Variants in NPRL2 observed in about 807,000 individuals in gnomAD.
NPRL2 encodes NPR2 like, GATOR1 complex subunit.
Under a neutral mutation model 51.1 loss-of-function variants are expected in NPRL2, and 21 were observed. The ratio of observed to expected loss-of-function variants is 0.41; its 90% CI spans 0.29 to 0.59. The LOEUF (loss-of-function observed/expected upper bound fraction) is 0.59. NPRL2 is among the 20% of genes least tolerant of loss of function. NPRL2 has a pLI of 0.29. For missense variants in NPRL2, 376 were observed against 483.4 expected, an observed-to-expected ratio of 0.78 and a Z score of 2.08; for synonymous variants, 175 against 187.8, an observed-to-expected ratio of 0.93 and a Z score of 0.56.
chr3:50,348,546 G>A lies in NPRL2; in HGVS notation c.701C>T (p.Thr234Ile). ...IQNLLYYGVV[T>I]LVSILQYSNV... ...ACCTACCTGGAGGATGGACACCAGTGTCACAACGCCGTAGTACCTGAGAGA... is the reference window on the plus strand; with the variant it reads ...ACCTACCTGGAGGATGGACACCAGTATCACAACGCCGTAGTACCTGAGAGA... Residue 234 changes from threonine to isoleucine, a missense_variant, in exon 7 of 11, where the codon ACA becomes ATA. Physicochemically the swap from Thr to Ile is moderately conservative, Grantham distance 89. Transcript: ENST00000232501. The surrounding 1 kb of genome is among the most constrained non-coding windows in gnomAD (Gnocchi z 5.8). 6.2e-7 allele frequency: 1 copy of A among 1,614,122 alleles called. No individual in the cohort carries two copies.
Position 50,350,477 on chromosome 3 carries a change from T to C in NPRL2, c.78+98A>G. The C allele has an allele frequency of 8.0e-7, 1 of 1,244,376 alleles. No individual in the cohort carries two copies. The highest frequency in any genetic ancestry group is 1.4e-5 in the South Asian group (1 of 73,698). The allele number at this position is 1,244,376 out of a possible 1,614,324, so 77.1% of individuals were successfully genotyped here. On this transcript the variant is annotated intron_variant, in intron 1 of 10. Coordinates refer to ENST00000232501, the MANE Select transcript of NPRL2 (RefSeq NM_006545.5). The surrounding 1 kb of genome is among the most constrained non-coding windows in gnomAD (Gnocchi z 5.7). ...ACAGTTGTCTGCGAATGAAGCAGCA[T>C]GCCTGCGTGCAGCACGGGAAACTAC...
In NPRL2 at chr3:50,348,256, GATCAGCTC is replaced by G; in HGVS notation, c.815-23_815-16del. ...CCTCTTGTGCCCTGTGGGTGCCAGGGATCAGCTCATCATGTGGCCCTGCCCTCCCCAAG... is the reference window on the plus strand; with the variant it reads ...CCTCTTGTGCCCTGTGGGTGCCAGGGATCATGTGGCCCTGCCCTCCCCAAG... On this transcript the variant is annotated splice_polypyrimidine_tract_variant and intron_variant, in intron 8 of 10. Transcript: ENST00000232501. This position sits in a 1 kb window ranked among gnomAD's most constrained non-coding sequence, Gnocchi z 5.8. 1 of 1,613,860 alleles carries G rather than the reference GATCAGCTC, an allele frequency of 6.2e-7. No homozygotes were observed. Among genetic ancestry groups the G allele is most frequent in the Admixed American group, 1.7e-5 (1 of 60,016 alleles).
Position 50,349,423 on chromosome 3 carries a change from C to T in NPRL2, c.411G>A (p.Glu137=), listed in dbSNP as rs1359743255. ...TGCACCGGCCTGAGGCATTTAGCTC[C>T]TCCAGCAAGATGGTCATGATGGGCA... ...KLVPIMTILL[E]ELNASGRCTL... Residue 137 remains glutamate (E), a synonymous_variant, in exon 4 of 11, where the codon GAG becomes GAA. Transcript: ENST00000232501. The surrounding 1 kb of genome is among the most constrained non-coding windows in gnomAD (Gnocchi z 4.6). 2 of 1,613,768 alleles carry T rather than the reference C, an allele frequency of 1.2e-6. No homozygotes were observed. The highest frequency in any genetic ancestry group is 1.7e-6 in the Non-Finnish European group (2 of 1,180,004).
At position 50,350,154 on chromosome 3, in the gene NPRL2, C is replaced by G; in HGVS notation, c.79-132G>C. 1 of 700,178 alleles carries G rather than the reference C, an allele frequency of 1.4e-6. No homozygotes were observed. The highest frequency in any genetic ancestry group is 1.8e-5 in the African/African-American group (1 of 56,266). 43.4% of individuals were successfully genotyped at this position (700,178 alleles called of 1,614,324 possible). A position where few individuals can be genotyped will look rare whatever the true frequency, so the allele number is the denominator to read the frequency against. On this transcript the variant is annotated intron_variant, in intron 1 of 10. Coordinates refer to ENST00000232501, the MANE Select transcript of NPRL2 (RefSeq NM_006545.5). The surrounding 1 kb of genome is among the most constrained non-coding windows in gnomAD (Gnocchi z 5.7). Reference sequence around the variant, plus strand: ...TCCCCTCTCTCCCATCCACTCAGGCCTATTACTTCTTTCTGTTTCCAAACA... The same window carrying G: ...TCCCCTCTCTCCCATCCACTCAGGCGTATTACTTCTTTCTGTTTCCAAACA...
At position 50,348,888 on chromosome 3, in the gene NPRL2, G is replaced by C. The variant is rs745654142; in HGVS notation, c.571C>G (p.Leu191Val). 6.2e-7 allele frequency: 1 copy of C among 1,614,040 alleles called. No individual in the cohort carries two copies. Among genetic ancestry groups the C allele is most frequent in the East Asian group, 2.2e-5 (1 of 44,888 alleles). The part of the protein sequence containing the change: ...KEDFFNSQWD[L>V]TTQQILPYID... ...GGATGGCATACTTGTTGTGTAGTGA[G>C]GTCCCACTGTGAGTTGAAGAAATCC... Residue 191 changes from leucine (L) to valine (V), a missense_variant, in exon 5 of 11, where the codon CTC becomes GTC. By Grantham distance (32) the Leu-to-Val change is conservative. Transcript: ENST00000232501. The surrounding 1 kb of genome is among the most constrained non-coding windows in gnomAD (Gnocchi z 5.8).
Position 50,348,405 on chromosome 3 carries a change from G to A in NPRL2, c.726C>T (p.Ser242=), listed in dbSNP as rs141770511. The part of the protein sequence containing the change: ...VVTLVSILQY[S]NVYCPTPKVQ... Reference sequence around the variant, plus strand: ...CCTTGGGCGTTGGGCAGTATACATTGGAGTACTAGAGGGTAGCAGAAGGCA... The same window carrying A: ...CCTTGGGCGTTGGGCAGTATACATTAGAGTACTAGAGGGTAGCAGAAGGCA... Residue 242 remains serine (S), a synonymous_variant, in exon 8 of 11, where the codon TCC becomes TCT. Transcript: ENST00000232501. The surrounding 1 kb of genome is among the most constrained non-coding windows in gnomAD (Gnocchi z 5.8). 32 of 1,613,912 alleles carry A rather than the reference G, an allele frequency of 2.0e-5. No individual in the cohort carries two copies. In the African/African-American group the frequency reaches 4.3e-4, roughly 22 times the overall value.
Position 50,348,503 on chromosome 3 carries a change from C to G in NPRL2, c.720+24G>C. ...GTCCAGCCACATGATCCACTCTCCA[C>G]TTAACCAAACCCAACTCACCTACCT... On this transcript the variant is annotated intron_variant, in intron 7 of 10. Coordinates refer to ENST00000232501, the MANE Select transcript of NPRL2 (RefSeq NM_006545.5). This position sits in a 1 kb window ranked among gnomAD's most constrained non-coding sequence, Gnocchi z 5.8. The G allele has an allele frequency of 1.2e-6, 2 of 1,614,092 alleles. No homozygotes were observed. Among genetic ancestry groups the G allele is most frequent in the East Asian group, 4.5e-5 (2 of 44,892 alleles).
chr3:50,348,492 T>C lies in NPRL2; in HGVS notation c.720+35A>G, dbSNP rs780234977. 2 of 1,613,952 alleles carry C rather than the reference T, an allele frequency of 1.2e-6. No individual in the cohort carries two copies. The highest frequency in any genetic ancestry group is 2.2e-5 in the South Asian group (2 of 91,082). On this transcript the variant is annotated intron_variant, in intron 7 of 10. Coordinates refer to ENST00000232501, the MANE Select transcript of NPRL2 (RefSeq NM_006545.5). The surrounding 1 kb of genome is among the most constrained non-coding windows in gnomAD (Gnocchi z 5.8). ...GCCCTGGTCTGGTCCAGCCACATGA[T>C]CCACTCTCCACTTAACCAAACCCAA... is the stretch of plus-strand genomic sequence containing the variant.
In NPRL2 at chr3:50,350,686, T is replaced by C. The variant is rs1012223657; in HGVS notation, c.-34A>G. On this transcript the variant is annotated 5_prime_UTR_variant, in exon 1 of 11. Coordinates refer to ENST00000232501, the MANE Select transcript of NPRL2 (RefSeq NM_006545.5). This position sits in a 1 kb window ranked among gnomAD's most constrained non-coding sequence, Gnocchi z 5.7. ...CCGGGCCCAGGCCCGTAGCTCCTCGTTCCTCGCGCAGAGGCGTCCCCACCT... is the reference window on the plus strand; with the variant it reads ...CCGGGCCCAGGCCCGTAGCTCCTCGCTCCTCGCGCAGAGGCGTCCCCACCT... 3 of 1,578,446 alleles carry C rather than the reference T, an allele frequency of 1.9e-6. No individual in the cohort carries two copies. Among genetic ancestry groups the C allele is most frequent in the Middle Eastern group, 1.7e-4 (1 of 6,038 alleles).
rs756525228 is a variant in NPRL2, at chr3:50,348,360, G to T, written c.771C>A (p.Asp257Glu). The T allele has an allele frequency of 3.7e-6, 6 of 1,613,924 alleles. No homozygotes were observed. Among genetic ancestry groups the T allele is most frequent in the Non-Finnish European group, 5.1e-6 (6 of 1,180,026 alleles). ...PTPKVQDLVD[D>E]KSLQEACLSY... ...ATAGACATGCCTCTTGCAGGGACTT[G>T]TCATCTACCAGGTCCTGGACCTTGG... is the stretch of plus-strand genomic sequence containing the variant. The change falls in exon 8 of 11, where the codon GAC (aspartate) becomes GAA (glutamate). Residue 257 changes from aspartate (D) to glutamate (E), a missense_variant. Physicochemically the swap from Asp to Glu is conservative, Grantham distance 45. Transcript: ENST00000232501. This position sits in a 1 kb window ranked among gnomAD's most constrained non-coding sequence, Gnocchi z 5.8.
rs1461626182 is a variant in NPRL2 at position 50,350,680 on chromosome 3, T to TC, written c.-29dup. 6.3e-7 allele frequency: 1 copy of TC among 1,581,212 alleles called. No individual in the cohort carries two copies. Among genetic ancestry groups the TC allele is most frequent in the Non-Finnish European group, 8.6e-7 (1 of 1,164,006 alleles). On this transcript the variant is annotated 5_prime_UTR_variant, in exon 1 of 11. Transcript: ENST00000232501. This position sits in a 1 kb window ranked among gnomAD's most constrained non-coding sequence, Gnocchi z 5.7. The stretch of plus-strand genomic sequence containing the variant: ...CAATAACCGGGCCCAGGCCCGTAGC[T>TC]CCTCGTTCCTCGCGCAGAGGCGTCC...
Position 50,348,989 on chromosome 3 carries a change from A to C in NPRL2, c.470T>G (p.Leu157Trp), listed in dbSNP as rs765185833. The C allele has an allele frequency of 1.9e-6, 3 of 1,613,820 alleles. No homozygotes were observed. Among genetic ancestry groups the C allele is most frequent in the African/African-American group, 2.7e-5 (2 of 74,898 alleles). The change falls in exon 5 of 11, where the codon TTG (leucine) becomes TGG (tryptophan). Residue 157 changes from leucine to tryptophan, a missense_variant. By Grantham distance (61) the Leu-to-Trp change is moderately conservative. Transcript: ENST00000232501. This position sits in a 1 kb window ranked among gnomAD's most constrained non-coding sequence, Gnocchi z 5.8. Reference protein sequence around the residue: ...LPIDESNTIHLKVIEQRPDPP... With the variant: ...LPIDESNTIHWKVIEQRPDPP... ...GTCTGGCCGCTGCTCAATCACCTTC[A>C]AGTGGATGGTGTTGGACTCATCTGC...
In NPRL2 at chr3:50,347,530, A is replaced by G. The variant is rs1703593946; in HGVS notation, c.*76T>C. On this transcript the variant is annotated 3_prime_UTR_variant, in exon 11 of 11. Transcript: ENST00000232501. ...TCTTTATTTACAGAACTAAGAGTCA[A>G]CCTCTAGACAGTATGACAAGCCTCC... The G allele has an allele frequency of 6.4e-7, 1 of 1,550,606 alleles. No homozygotes were observed. The highest frequency in any genetic ancestry group is 8.9e-7 in the Non-Finnish European group (1 of 1,126,562).
chr3:50,347,352 TTTTTG>T lies in NPRL2; in HGVS notation c.*249_*253del. 1.7e-5 allele frequency: 4 copies of T among 237,734 alleles called. No individual in the cohort carries two copies. The highest frequency in any genetic ancestry group is 1.7e-4 in the South Asian group (2 of 11,932). 14.7% of individuals were successfully genotyped at this position (237,734 alleles called of 1,614,324 possible). On this transcript the variant is annotated 3_prime_UTR_variant, in exon 11 of 11. Transcript: ENST00000232501. ...CGATTTTTTTTTTTTTTTTTTTTTTTTTTTGTAATTAACCGGCACTTTTATTTGTC... is the reference window on the plus strand; with the variant it reads ...CGATTTTTTTTTTTTTTTTTTTTTTTTAATTAACCGGCACTTTTATTTGTC...
chr3:50,350,558 G>T lies in NPRL2; in HGVS notation c.78+17C>A. ...AACGTCCCTCTTCCCGCCCAGTCCC[G>T]CGAGCCCGGGTGGCACCTGATAGGT... On this transcript the variant is annotated intron_variant, in intron 1 of 10. Transcript: ENST00000232501. The surrounding 1 kb of genome is among the most constrained non-coding windows in gnomAD (Gnocchi z 5.7). The T allele has an allele frequency of 5.6e-6, 9 of 1,596,480 alleles. No individual in the cohort carries two copies. Among genetic ancestry groups the T allele is most frequent in the Non-Finnish European group, 7.7e-6 (9 of 1,171,212 alleles).
At position 50,349,396 on chromosome 3, in the gene NPRL2, A is replaced by G; in HGVS notation, c.438T>C (p.Thr146=). The G allele has an allele frequency of 6.2e-7, 1 of 1,613,316 alleles. No individual in the cohort carries two copies. The highest frequency in any genetic ancestry group is 1.7e-5 in the Admixed American group (1 of 60,008). ...AGAGGCTGGCCATACCAATGGGCAG[A>G]GTGCACCGGCCTGAGGCATTTAGCT... ...LEELNASGRC[T]LPIDESNTIH... The change falls in exon 4 of 11, where the codon ACT becomes ACC. Residue 146 remains threonine, a synonymous_variant. Transcript: ENST00000232501. This position sits in a 1 kb window ranked among gnomAD's most constrained non-coding sequence, Gnocchi z 4.6.
At position 50,347,462 on chromosome 3, in the gene NPRL2, T is replaced by G; in HGVS notation, c.*144A>C. 1.0e-6 allele frequency: 1 copy of G among 973,042 alleles called. No homozygotes were observed. The highest frequency in any genetic ancestry group is 1.5e-6 in the Non-Finnish European group (1 of 652,858). The allele number at this position is 973,042 out of a possible 1,614,324, so 60.3% of individuals were successfully genotyped here. ...CATTCACTGCTGGGTCTCCCACGGC[T>G]GGCCCAGAAACAGCACTCAATAAAG... is the stretch of plus-strand genomic sequence containing the variant. On this transcript the variant is annotated 3_prime_UTR_variant, in exon 11 of 11. Transcript: ENST00000232501.
Position 50,350,022 on chromosome 3 carries a change from C to G in NPRL2, c.79G>C (p.Val27Leu), listed in dbSNP as rs761509983. The change falls in exon 2 of 11, where the codon GTC (valine) becomes CTC (leucine). Residue 27 changes from valine to leucine, a missense_variant and splice_region_variant. By Grantham distance (32) the Val-to-Leu change is conservative. Transcript: ENST00000232501. The surrounding 1 kb of genome is among the most constrained non-coding windows in gnomAD (Gnocchi z 5.7). Reference protein sequence around the residue: ...PTLGPKITYQVPEDFISRELF... With the variant: ...PTLGPKITYQLPEDFISRELF... ...TCTCGGGAGATGAAGTCTTCAGGGA[C>G]CTGGGGAGGGGAGTGGCAATGGGCC... 6 of 1,613,542 alleles carry G rather than the reference C, an allele frequency of 3.7e-6. No individual in the cohort carries two copies. The East Asian group carries it at 1.3e-4, about 36-fold the overall frequency.
Position 50,347,342 on chromosome 3 carries a change from T to C in NPRL2, c.*264A>G. 8.4e-6 allele frequency: 2 copies of C among 237,690 alleles called. No individual in the cohort carries two copies. The highest frequency in any genetic ancestry group is 1.5e-4 in the South Asian group (2 of 13,596). The allele number at this position is 237,690 out of a possible 1,614,324, so 14.7% of individuals were successfully genotyped here. A position where few individuals can be genotyped will look rare whatever the true frequency, so the allele number is the denominator to read the frequency against. On this transcript the variant is annotated 3_prime_UTR_variant, in exon 11 of 11. Coordinates refer to ENST00000232501, the MANE Select transcript of NPRL2 (RefSeq NM_006545.5). Reference sequence around the variant, plus strand: ...CGCATCAGGACGATTTTTTTTTTTTTTTTTTTTTTTTTTTGTAATTAACCG... The same window carrying C: ...CGCATCAGGACGATTTTTTTTTTTTCTTTTTTTTTTTTTTGTAATTAACCG...
Sources: gnomAD v4.1 joint callset for allele counts on GRCh38, gnomAD v4.1.1 for gene constraint, Gnocchi (gnomAD v3.1) non-coding constraint, MANE v1.5 for transcripts, NCBI Gene and HGNC (gene_info 2026-07-23, HGNC 2026-07-21) for gene names.